Variants in LRP2BP observed in about 807,000 individuals in gnomAD.
The protein encoded by LRP2BP is LRP2 binding protein.
A neutral mutation model predicts 45.2 loss-of-function variants in LRP2BP; 38 were observed. That is an observed-to-expected ratio of 0.84 (90% confidence interval 0.65 to 1.10). The LOEUF is 1.10. Among genes scored for constraint, LRP2BP ranks in the 50% least tolerant of loss-of-function variants. LRP2BP has a pLI of 0.00. For synonymous variants in LRP2BP, 153 were observed against 153.9 expected, an observed-to-expected ratio of 0.99 and a Z score of 0.04; for missense variants, 385 against 418.9, an observed-to-expected ratio of 0.92 and a Z score of 0.71.
At chr4:185,377,055 CAA>C (rs746843334) in intron 2 of LRP2BP, 37 bp from the exon 3 acceptor site, 1 of 1,378,954 alleles carries the variant, frequency 7.3e-7, no homozygotes, top group African/African-American at 1.4e-5. Context: ...ATCAACCACA[CAA>C]TATGAATTTT....
chr4:185,382,928 T>G lies in LRP2BP; in HGVS notation c.-21-4721A>C, dbSNP rs184906784. Among the ~76,000 whole-genome samples the G allele has an allele frequency of 4.1e-4, 63 of 152,344 alleles. 1 individual carries two copies. The highest frequency in any genetic ancestry group is 3.2e-3 in the Admixed American group (49 of 15,298). ...GGTCACAAAAGTTTACCCCTGTGCC[T>G]TCTTCTAAGAGTTTTATATTTACTC... On this transcript the variant is annotated intron_variant, in intron 1 of 8. Transcript: ENST00000505916.
chr4:185,381,737 G>T (rs2095456503), intron 1 of LRP2BP, among the ~76,000 whole-genome samples: 1 of 152,172 alleles, frequency 6.6e-6, no homozygotes, highest in Non-Finnish European at 1.5e-5. Context: ...GGAAACTACA[G>T]CTGTTTTGGG....
chr4:185,364,778 A>C lies in LRP2BP; in HGVS notation c.*2402T>G, dbSNP rs1244716973. On this transcript the variant is annotated 3_prime_UTR_variant, in exon 9 of 9. Coordinates refer to ENST00000505916, the MANE Select transcript of LRP2BP (RefSeq NM_001377440.1). ...ATATAGAAAAGACCAGATAAAATAC[A>C]TTCAAGGAAGAGAGGCAATGTGAAG... 6.6e-6 allele frequency: 1 copy of C among 152,208 alleles called. No homozygotes were observed. The highest frequency in any genetic ancestry group is 2.4e-5 in the African/African-American group (1 of 41,462). 9.4% of individuals were successfully genotyped at this position (152,208 alleles called of 1,614,324 possible). A position where few individuals can be genotyped will look rare whatever the true frequency, so the allele number is the denominator to read the frequency against.
Position 185,366,825 on chromosome 4 carries a change from T to C in LRP2BP, c.*355A>G, listed in dbSNP as rs2095389538. ...TGATGGTTTTAAATAAGTTTGTTTC[T>C]ACTTCTGAACTTACTAAACTAAAGC... is the stretch of plus-strand genomic sequence containing the variant. On this transcript the variant is annotated 3_prime_UTR_variant, in exon 9 of 9. Coordinates refer to ENST00000505916, the MANE Select transcript of LRP2BP (RefSeq NM_001377440.1). 1 of 161,210 alleles carries C rather than the reference T, an allele frequency of 6.2e-6. No individual in the cohort carries two copies. 10.0% of individuals were successfully genotyped at this position (161,210 alleles called of 1,614,324 possible).
rs79706440 is a variant in LRP2BP at position 185,378,335 on chromosome 4, A to G, written c.-21-128T>C. On this transcript the variant is annotated intron_variant, in intron 1 of 8. Coordinates refer to ENST00000505916, the MANE Select transcript of LRP2BP (RefSeq NM_001377440.1). ...CTCTCATCGCCTAGATAGAACACCA[A>G]CCACCAACTCCAGGACGTGAACATT... The G allele has an allele frequency of 2.6e-3, 3,822 of 1,444,258 alleles. 7 individuals carry two copies. The highest frequency in any genetic ancestry group is 3.3e-3 in the Non-Finnish European group (3,592 of 1,101,886). The allele number at this position is 1,444,258 out of a possible 1,614,324, so 89.5% of individuals were successfully genotyped here.
rs183040708 is a variant in LRP2BP, at chr4:185,366,238, G to A, written c.*942C>T. ...CATAGATGTCATCTATATACGGAAA[G>A]CCTTTTGCTAATTTTAACAATATTT... On this transcript the variant is annotated 3_prime_UTR_variant, in exon 9 of 9. Transcript: ENST00000505916. The A allele has an allele frequency of 1.3e-4, 20 of 152,282 alleles. No homozygotes were observed. In the East Asian group the frequency reaches 3.9e-3, roughly 29 times the overall value. 9.4% of individuals were successfully genotyped at this position (152,282 alleles called of 1,614,324 possible).
At position 185,395,828 on chromosome 4, in the gene LRP2BP, C is replaced by A; in HGVS notation, c.-1071G>T. ...TTCTCCGAGCTTTCAAAGGCATCAA[C>A]AGAAGGGAATCACTAAAAATGTAGG... On this transcript the variant is annotated 5_prime_UTR_variant, in exon 1 of 9. Transcript: ENST00000505916. 1.0e-6 allele frequency: 1 copy of A among 985,424 alleles called. No homozygotes were observed. The highest frequency in any genetic ancestry group is 1.7e-5 in the African/African-American group (1 of 57,346). The allele number at this position is 985,424 out of a possible 1,614,324, so 61.0% of individuals were successfully genotyped here.
At chr4:185,373,224 C>G (rs2095421956) in intron 6 of LRP2BP, 145 bp from the exon 7 acceptor site, 2 of 701,794 alleles carry the variant, frequency 2.8e-6, no homozygotes, top group Non-Finnish European at 4.7e-6. Context: ...GGACGCATTT[C>G]ACACTAGCAC....
At position 185,374,309 on chromosome 4, in the gene LRP2BP, G is replaced by A; in HGVS notation, c.473+10C>T. On this transcript the variant is annotated intron_variant, in intron 5 of 8. Transcript: ENST00000505916. The stretch of plus-strand genomic sequence containing the variant: ...CCTTCAAACCTAATCTTGTTCTCAG[G>A]TAGGATTACCTTTCAGCTTCCTCAT... 6.2e-7 allele frequency: 1 copy of A among 1,613,954 alleles called. No homozygotes were observed. Among genetic ancestry groups the A allele is most frequent in the Non-Finnish European group, 8.5e-7 (1 of 1,179,996 alleles).
chr4:185,384,201 C>T (rs2095463835), intron 1 of LRP2BP, among the ~76,000 whole-genome samples: 1 of 152,102 alleles, frequency 6.6e-6, no homozygotes, highest in Non-Finnish European at 1.5e-5. Context: ...AGAGAGCTCA[C>T]TCTTTTGCCA....
upstream of LRP2BP, chr4:185,396,836 A>G (rs368944108): frequency 1.3e-5 from 19 of 1,416,532 alleles, no homozygotes; most frequent in African/African-American, 5.6e-5. Context: ...TGCTAGGGCC[A>G]GCCTGCGCAT....
intron 1 of LRP2BP, chr4:185,378,629 A>C (rs1291984260): frequency 2.0e-6 from 2 of 988,554 alleles, no homozygotes; most frequent in African/African-American, 1.7e-5. Flanking sequence ...AAATTAAAGC[A>C]CTTGTCTATT....
intron 1 of LRP2BP, among the ~76,000 whole-genome samples, chr4:185,387,176 T>C (rs998285399): frequency 6.6e-6 from 1 of 152,162 alleles, no homozygotes; most frequent in Non-Finnish European, 1.5e-5. Flanking sequence ...GAGACTGCAG[T>C]GAGCCGAGAT....
At chr4:185,372,049 G>A (rs775458748) in intron 7 of LRP2BP, among the ~76,000 whole-genome samples, 6 of 152,158 alleles carry the variant, frequency 3.9e-5, no homozygotes, top group Admixed American at 1.3e-4. Flanking sequence ...TACGGACTCC[G>A]AGAAAAGACG....
chr4:185,378,940 G>A lies in LRP2BP; in HGVS notation c.-21-733C>T, dbSNP rs1027602472. 9 of 985,264 alleles carry A rather than the reference G, an allele frequency of 9.1e-6. No individual in the cohort carries two copies. In the South Asian group the frequency reaches 4.2e-4, roughly 46 times the overall value. The allele number at this position is 985,264 out of a possible 1,614,324, so 61.0% of individuals were successfully genotyped here. A position where few individuals can be genotyped will look rare whatever the true frequency, so the allele number is the denominator to read the frequency against. ...GGTTCCTGATTGGTGGTCAAGAGAA[G>A]AAATAGAGAGACCCTTAGTGTGATT... is the stretch of plus-strand genomic sequence containing the variant. On this transcript the variant is annotated intron_variant, in intron 1 of 8. Transcript: ENST00000505916.
In LRP2BP at chr4:185,388,293, A is replaced by AAGTCTGC. The variant is rs533084210; in HGVS notation, c.-22+6479_-22+6485dup. The stretch of plus-strand genomic sequence containing the variant: ...TGGTTTCCTGAGGGACAAGTCCATC[A>AAGTCTGC]AGTCTGCTGTACAAGCAACATCTCA... On this transcript the variant is annotated intron_variant, in intron 1 of 8. Transcript: ENST00000505916. 3.3e-3 allele frequency among the ~76,000 whole-genome samples: 507 copies of AAGTCTGC among 152,302 alleles called. 3 individuals are homozygous for AAGTCTGC. Among genetic ancestry groups the AAGTCTGC allele is most frequent in the African/African-American group, 0.012 (487 of 41,546 alleles).
intron 3 of LRP2BP, 132 bp downstream of exon 3, chr4:185,376,777 C>T (rs2095439451): frequency 1.6e-6 from 1 of 635,494 alleles, no homozygotes. Flanking sequence ...CTGTTAAAGC[C>T]ACAGCCATAG....
chr4:185,370,624 T>G lies in LRP2BP; in HGVS notation c.978+16A>C. 6.2e-7 allele frequency: 1 copy of G among 1,607,184 alleles called. No homozygotes were observed. The highest frequency in any genetic ancestry group is 1.3e-5 in the African/African-American group (1 of 74,874). On this transcript the variant is annotated intron_variant, in intron 8 of 8. Coordinates refer to ENST00000505916, the MANE Select transcript of LRP2BP (RefSeq NM_001377440.1). ...GTTTCTCTTTGGGTGAATTTATATT[T>G]TGTTCTAAAGCTTACTTTAGAATAA...
chr4:185,396,991 G>A, upstream of LRP2BP: 1 of 1,612,784 alleles, frequency 6.2e-7, no homozygotes, highest in Non-Finnish European at 8.5e-7. Flanking sequence ...TTGTCCTGCA[G>A]GCTCAAGCTT....
Sources: allele counts gnomAD v4.1 joint callset (sites outside exome capture counted in the v4.1 genomes callset), GRCh38; gene constraint gnomAD v4.1.1; transcripts MANE v1.5; gene names NCBI Gene and HGNC (gene_info 2026-07-23, HGNC 2026-07-21).